DNER: variants seen among roughly 807,000 people sequenced by gnomAD.
DNER encodes delta and Notch-like epidermal growth factor-related receptor.
In DNER, 33 loss-of-function variants were observed where a neutral mutation model predicts 78.2. The observed-to-expected ratio is 0.42, with a 90% CI of 0.32 to 0.56. The LOEUF (loss-of-function observed/expected upper bound fraction) is 0.56, where lower values mean the gene tolerates loss of function less well. Among genes scored for constraint, DNER ranks in the 20% least tolerant of loss-of-function variants. The pLI is 0.11. For synonymous variants in DNER, 417 were observed against 384.8 expected (o/e 1.08, Z -0.98); for missense variants, 918 against 975.3 (o/e 0.94, Z 0.78).
intron 12 of DNER, among the ~76,000 whole-genome samples, chr2:229,365,611 A>G (rs1312819686): frequency 6.6e-6 from 1 of 152,060 alleles, no homozygotes; most frequent in African/African-American, 2.4e-5. Context: ...TAATTTTTGT[A>G]TTTTAGTAGA....
chr2:229,679,659 A>G (rs1273978401), intron 1 of DNER, among the ~76,000 whole-genome samples: 1 of 152,180 alleles, frequency 6.6e-6, no homozygotes, highest in Non-Finnish European at 1.5e-5. Flanking sequence ...CTATCAAGCC[A>G]CTAATGCCTT....
intron 6 of DNER, among the ~76,000 whole-genome samples, chr2:229,508,371 A>G (rs1222190087): frequency 6.6e-6 from 1 of 152,196 alleles, no homozygotes; most frequent in Non-Finnish European, 1.5e-5. Context: ...ACAAGAATGC[A>G]TATCTGTGCC....
chr2:229,471,578 G>A (rs1694925285), intron 7 of DNER, among the ~76,000 whole-genome samples: 1 of 152,090 alleles, frequency 6.6e-6, no homozygotes, highest in Admixed American at 6.5e-5. Flanking sequence ...TTAAGCATAG[G>A]GTCCCTTAAA....
At chr2:229,588,050 T>C (rs551697615) in intron 3 of DNER, among the ~76,000 whole-genome samples, 3 of 152,326 alleles carry the variant, frequency 2.0e-5, no homozygotes, top group South Asian at 2.1e-4. Flanking sequence ...ATGTAACTGA[T>C]GGTCCAATAA....
At chr2:229,468,517 G>A (rs1228562876) in intron 7 of DNER, among the ~76,000 whole-genome samples, 1 of 152,094 alleles carries the variant, frequency 6.6e-6, no homozygotes, top group African/African-American at 2.4e-5. Context: ...AGGAACAGAA[G>A]ACAGCAAGAA....
chr2:229,567,169 C>G (rs190778045), intron 4 of DNER, among the ~76,000 whole-genome samples: 1 of 152,354 alleles, frequency 6.6e-6, no homozygotes, highest in East Asian at 1.9e-4. Context: ...TAGTCCTTCT[C>G]CAAGGTAGTA....
At chr2:229,421,775 A>C (rs1693771566) in intron 8 of DNER, among the ~76,000 whole-genome samples, 1 of 151,978 alleles carries the variant, frequency 6.6e-6, no homozygotes, top group South Asian at 2.1e-4. Flanking sequence ...TGTGGAGTAC[A>C]ATCACCAGCA....
At chr2:229,557,047 T>A (rs1696866962) in intron 4 of DNER, among the ~76,000 whole-genome samples, 1 of 152,096 alleles carries the variant, frequency 6.6e-6, no homozygotes. Context: ...TGCAGCTGGG[T>A]CAGAAGCAAA....
chr2:229,574,103 A>C (rs1208408791), intron 4 of DNER, among the ~76,000 whole-genome samples: 1 of 152,192 alleles, frequency 6.6e-6, no homozygotes, highest in Non-Finnish European at 1.5e-5. Context: ...ATGGAAGTGG[A>C]GCAACACAGA....
chr2:229,631,604 T>G (rs1698434855), intron 1 of DNER, among the ~76,000 whole-genome samples: 1 of 152,284 alleles, frequency 6.6e-6, no homozygotes, highest in Non-Finnish European at 1.5e-5. Flanking sequence ...AAATATATAT[T>G]TTAAGGATTA....
intron 9 of DNER, among the ~76,000 whole-genome samples, chr2:229,414,938 G>A (rs1693612292): frequency 6.6e-6 from 1 of 152,164 alleles, no homozygotes; most frequent in African/African-American, 2.4e-5. Context: ...CAAGACAGGT[G>A]GATCACCTGA....
At chr2:229,684,437 C>T (rs1386133440) in intron 1 of DNER, among the ~76,000 whole-genome samples, 2 of 152,098 alleles carry the variant, frequency 1.3e-5, no homozygotes, top group Non-Finnish European at 2.9e-5. Context: ...TCTCTTCTCA[C>T]TATACATGCT....
chr2:229,580,253 G>A (rs182566059), intron 4 of DNER: 2 of 152,154 alleles, frequency 1.3e-5, no homozygotes, highest in Non-Finnish European at 2.9e-5. Context: ...TAATTTGATG[G>A]CTATAATCCT....
intron 1 of DNER, among the ~76,000 whole-genome samples, chr2:229,676,182 C>A (rs538670764): frequency 3.3e-5 from 5 of 152,162 alleles, no homozygotes; most frequent in Non-Finnish European, 7.3e-5. Context: ...AAGGCATATG[C>A]CTTACAAGAG....
chr2:229,425,238 G>A (rs374047114), intron 8 of DNER, among the ~76,000 whole-genome samples: 104 of 152,108 alleles, frequency 6.8e-4, no homozygotes, highest in African/African-American at 2.3e-3. Flanking sequence ...GAGATAGAGC[G>A]GAGTAAGAAG....
chr2:229,705,273 G>T (rs12474029), intron 1 of DNER, among the ~76,000 whole-genome samples: 2 of 152,052 alleles, frequency 1.3e-5, no homozygotes, highest in Admixed American at 6.5e-5. Context: ...TTAACTACAA[G>T]GACCAGATAA....
chr2:229,485,916 C>T (rs370065650), intron 6 of DNER, among the ~76,000 whole-genome samples: 113 of 152,172 alleles, frequency 7.4e-4, no homozygotes, highest in African/African-American at 2.6e-3. Flanking sequence ...GTGGCAATTG[C>T]GACGAGAGCT....
intron 9 of DNER, among the ~76,000 whole-genome samples, chr2:229,411,974 A>G (rs1242623599): frequency 5.3e-5 from 8 of 152,168 alleles, no homozygotes. Flanking sequence ...CTTTTCTTCT[A>G]AATATTTATT....
chr2:229,426,392 G>C (rs1693877925), intron 8 of DNER, among the ~76,000 whole-genome samples: 1 of 127,304 alleles, frequency 7.9e-6, no homozygotes, highest in Admixed American at 1.0e-4. Flanking sequence ...AATGAGCCAA[G>C]ATTGCGCCAC....
Sources: allele counts gnomAD v4.1 joint callset (sites outside exome capture counted in the v4.1 genomes callset), GRCh38; gene constraint gnomAD v4.1.1; transcripts MANE v1.5; gene names NCBI Gene and HGNC (gene_info 2026-07-23, HGNC 2026-07-21).